Variants in TENM3 observed in about 807,000 individuals in gnomAD.
The protein encoded by TENM3 is teneurin transmembrane protein 3.
In TENM3, 63 loss-of-function variants were observed where a neutral mutation model predicts 255.1. The observed-to-expected ratio is 0.25, with a 90% confidence interval of 0.20 to 0.30. The LOEUF is 0.30. TENM3 is among the 10% of genes least tolerant of loss of function. The pLI, the probability that TENM3 is intolerant of heterozygous loss-of-function variation, is 1.00. For missense variants in TENM3, 2,929 were observed against 3,461.1 expected (o/e 0.85, Z 3.86); for synonymous variants, 1,306 against 1,322.3 (o/e 0.99, Z 0.27).
chr4:181,707,113 G>A, the TENM3 span, among the ~76,000 whole-genome samples: 2 of 152,174 alleles, frequency 1.3e-5, no homozygotes, highest in African/African-American at 4.8e-5. Flanking sequence ...TGGGCTCTTA[G>A]AGCCCAGCAG....
At position 182,181,670 on chromosome 4, in the gene TENM3, C is replaced by CTTACCAATGGG. The variant is rs564087833; in HGVS notation, c.-76+36917_-76+36918insTACCAATGGGT. On this transcript the variant is annotated intron_variant, in intron 1 of 2. Coordinates refer to the TENM3 transcript ENST00000512480. ...TTTTCAGCAGAGCCGAGTGGTCATT[C>CTTACCAATGGG]TCATTGACTTACCCATAATGTGCAG... is the stretch of plus-strand genomic sequence containing the variant. 8.1e-3 allele frequency among the ~76,000 whole-genome samples: 1,235 copies of CTTACCAATGGG among 152,256 alleles called. 26 individuals are homozygous for CTTACCAATGGG. The highest frequency in any genetic ancestry group is 0.028 in the African/African-American group (1,156 of 41,550).
chr4:181,482,574 T>C, the TENM3 span, among the ~76,000 whole-genome samples: 2 of 152,116 alleles, frequency 1.3e-5, no homozygotes, highest in Non-Finnish European at 2.9e-5. Flanking sequence ...GATCTGCTTA[T>C]TTATTAATTT....
In TENM3 at chr4:182,218,997, C is replaced by T. The variant is rs538998800; in HGVS notation, c.-76+74243C>T. On this transcript the variant is annotated intron_variant, in intron 1 of 2. Transcript: ENST00000512480. The stretch of plus-strand genomic sequence containing the variant: ...CCCAGCACTGGGAGGCCGAGGCAGG[C>T]GGATCACCTGAGGTCAGGAGCTGGA... 2.2e-4 allele frequency among the ~76,000 whole-genome samples: 33 copies of T among 152,324 alleles called. No individual in the cohort carries two copies. The East Asian group carries it at 3.9e-3, about 18-fold the overall frequency.
chr4:182,297,310 A>T (rs567633374), intron 1 of TENM3, among the ~76,000 whole-genome samples: 2 of 152,336 alleles, frequency 1.3e-5, no homozygotes, highest in East Asian at 3.9e-4. Context: ...ACAGTAGAAT[A>T]TTGGCAGTTT....
intron 1 of TENM3, among the ~76,000 whole-genome samples, chr4:182,273,488 G>A (rs1759788301): frequency 6.6e-6 from 1 of 152,204 alleles, no homozygotes; most frequent in Non-Finnish European, 1.5e-5. Context: ...ACTCTTGTGA[G>A]TGAATCAGTA....
chr4:181,983,923 A>G, the TENM3 span, among the ~76,000 whole-genome samples: 1 of 152,062 alleles, frequency 6.6e-6, no homozygotes, highest in African/African-American at 2.4e-5. Flanking sequence ...TGCCTCCTTG[A>G]TCTCTACTTT....
At chr4:181,843,719 T>C in the TENM3 span, among the ~76,000 whole-genome samples, 2 of 142,924 alleles carry the variant, frequency 1.4e-5, no homozygotes, top group African/African-American at 5.2e-5. Flanking sequence ...GGGCCTTCTT[T>C]TTTTTTTTTT....
Position 182,637,800 on chromosome 4 carries a change from A to G in TENM3, c.988+8911A>G, listed in dbSNP as rs183598672. The stretch of plus-strand genomic sequence containing the variant: ...GTAACTGTTTGAAAAGGAGAAATGT[A>G]GGAAACTAAGAGAGTGCATAAAAGA... On this transcript the variant is annotated intron_variant, in intron 5 of 27. Coordinates refer to ENST00000511685, the MANE Select transcript of TENM3 (RefSeq NM_001080477.4). 5.8e-4 allele frequency among the ~76,000 whole-genome samples: 89 copies of G among 152,342 alleles called. 1 individual carries two copies. The highest frequency in any genetic ancestry group is 3.4e-3 in the Middle Eastern group (1 of 294).
At chr4:182,020,609 G>A in the TENM3 span, among the ~76,000 whole-genome samples, 1 of 152,106 alleles carries the variant, frequency 6.6e-6, no homozygotes, top group Admixed American at 6.5e-5. Flanking sequence ...TAATTACCCT[G>A]ATTTGATCAC....
the TENM3 span, among the ~76,000 whole-genome samples, chr4:181,803,939 C>CAAA: frequency 3.2e-4 from 38 of 117,532 alleles, no homozygotes; most frequent in South Asian, 5.1e-4. Flanking sequence ...ATTATCTCAA[C>CAAA]AAAAAAAAAA....
chr4:181,588,392 C>T, the TENM3 span, among the ~76,000 whole-genome samples: 1 of 152,168 alleles, frequency 6.6e-6, no homozygotes, highest in African/African-American at 2.4e-5. Context: ...CTTGGCTACT[C>T]AGGAGACATC....
intron 1 of TENM3, among the ~76,000 whole-genome samples, chr4:182,214,045 C>T (rs566908012): frequency 6.6e-6 from 1 of 152,094 alleles, no homozygotes; most frequent in Non-Finnish European, 1.5e-5. Flanking sequence ...CTTGTGATCC[C>T]CCCGCTGCGG....
the TENM3 span, among the ~76,000 whole-genome samples, chr4:182,060,692 T>TAC: frequency 2.6e-5 from 4 of 151,990 alleles, no homozygotes; most frequent in South Asian, 2.1e-4. Context: ...CAACTTGTAA[T>TAC]ACACACACAC....
the TENM3 span, among the ~76,000 whole-genome samples, chr4:182,120,251 C>T: frequency 6.6e-6 from 1 of 152,278 alleles, no homozygotes; most frequent in African/African-American, 2.4e-5. Context: ...GTACTTAGTA[C>T]AGTCACATGC....
At chr4:182,189,154 A>C (rs1335036397) in intron 1 of TENM3, among the ~76,000 whole-genome samples, 1 of 151,914 alleles carries the variant, frequency 6.6e-6, no homozygotes, top group Non-Finnish European at 1.5e-5. Context: ...TATCAGTGCT[A>C]TTCATCTATT....
At chr4:182,001,483 G>A in the TENM3 span, among the ~76,000 whole-genome samples, 2 of 151,924 alleles carry the variant, frequency 1.3e-5, no homozygotes, top group South Asian at 2.1e-4. Context: ...GTTACTGTTC[G>A]GTAACTAACC....
At chr4:181,707,210 C>A in the TENM3 span, among the ~76,000 whole-genome samples, 1 of 152,076 alleles carries the variant, frequency 6.6e-6, no homozygotes, top group Non-Finnish European at 1.5e-5. Flanking sequence ...AGCAACAGGG[C>A]GCGAAATCTA....
the TENM3 span, among the ~76,000 whole-genome samples, chr4:182,048,207 G>A: frequency 6.6e-6 from 1 of 152,074 alleles, no homozygotes; most frequent in Non-Finnish European, 1.5e-5. Flanking sequence ...CATGATGATG[G>A]ATACTAAACT....
chr4:182,067,724 GA>G, the TENM3 span, among the ~76,000 whole-genome samples: 1 of 152,130 alleles, frequency 6.6e-6, no homozygotes, highest in African/African-American at 2.4e-5. Context: ...TTCATATGTG[GA>G]GGGACTCCCT....
Sources: gnomAD v4.1 joint callset for allele counts (sites outside exome capture counted in the v4.1 genomes callset) on GRCh38, gnomAD v4.1.1 for gene constraint, MANE v1.5 for transcripts, NCBI Gene and HGNC (gene_info 2026-07-23, HGNC 2026-07-21) for gene names.